Variants in RBPMS2 observed in about 807,000 individuals in gnomAD.
The protein encoded by RBPMS2 is RNA binding protein, mRNA processing factor 2, also known as RNA-binding protein with multiple splicing 2.
In RBPMS2, 14 loss-of-function variants were observed where a neutral mutation model predicts 25.7. The observed-to-expected ratio is 0.55, with a 90% confidence interval of 0.36 to 0.85. The LOEUF is 0.85. Among genes scored for constraint, RBPMS2 ranks in the 40% least tolerant of loss-of-function variants. The probability of loss-of-function intolerance (pLI) is 0.01; values close to 1 mark genes in which losing one functional copy is unlikely to be tolerated. For missense variants in RBPMS2, 252 were observed against 283.4 expected (o/e 0.89, Z 0.80); for synonymous variants, 127 against 115.6 (o/e 1.10, Z -0.63).
At position 64,775,257 on chromosome 15, in the gene RBPMS2, G is replaced by T. The variant is rs752279326; in HGVS notation, c.63C>A (p.Gly21=). The change falls in exon 1 of 8, where the codon GGC becomes GGA. Residue 21 remains glycine (G), a synonymous_variant. Coordinates refer to ENST00000300069, the MANE Select transcript of RBPMS2 (RefSeq NM_194272.3). ...GGSTGTGSGA[G]SGGALEEEVR... ...CCTCCTCCTCCAGGGCGCCGCCGGA[G>T]CCCGCGCCGGAGCCGGTGCCGGTGC... 1 of 1,333,860 alleles carries T rather than the reference G, an allele frequency of 7.5e-7. No homozygotes were observed. Among genetic ancestry groups the T allele is most frequent in the Non-Finnish European group, 9.6e-7 (1 of 1,036,744 alleles). 82.6% of individuals were successfully genotyped at this position (1,333,860 alleles called of 1,614,324 possible).
chr15:64,750,427 T>A, intron 2 of RBPMS2, 46 bp from the exon 3 acceptor site: 5 of 1,559,062 alleles, frequency 3.2e-6, no homozygotes, highest in Non-Finnish European at 4.4e-6. Flanking sequence ...GAAGCGTATG[T>A]TGTGCTAGCC....
At chr15:64,753,460 A>G (rs990702029) in intron 1 of RBPMS2, among the ~76,000 whole-genome samples, 3 of 152,132 alleles carry the variant, frequency 2.0e-5, no homozygotes, top group East Asian at 1.9e-4. Flanking sequence ...ACTACACCCA[A>G]TGCACCCAGA....
chr15:64,754,696 T>A (rs1286495317), intron 1 of RBPMS2, among the ~76,000 whole-genome samples: 6 of 141,806 alleles, frequency 4.2e-5, no homozygotes, highest in Non-Finnish European at 3.1e-5. Flanking sequence ...AGAGCAAAAC[T>A]CCGTCTCAAA....
In RBPMS2 at chr15:64,775,529, G is replaced by T. The variant is rs898289756; in HGVS notation, c.-210C>A. ...GGAAGGTGGGGAGGGGGTGCGGCGG[G>T]GGAGGCAGTGGGAGCCGGAGGGGCC... On this transcript the variant is annotated 5_prime_UTR_variant, in exon 1 of 8. Transcript: ENST00000300069. 2 of 290,614 alleles carry T rather than the reference G, an allele frequency of 6.9e-6. No homozygotes were observed. The highest frequency in any genetic ancestry group is 1.6e-4 in the South Asian group (1 of 6,172). The allele number at this position is 290,614 out of a possible 1,614,324, so 18.0% of individuals were successfully genotyped here.
chr15:64,754,668 A>G (rs1595789118), intron 1 of RBPMS2, among the ~76,000 whole-genome samples: 1 of 150,642 alleles, frequency 6.6e-6, no homozygotes, highest in Non-Finnish European at 1.5e-5. Context: ...GGCCCACTGC[A>G]CTCCAGCCTG....
chr15:64,766,902 GCCT>G (rs2083851236), intron 1 of RBPMS2, among the ~76,000 whole-genome samples: 1 of 151,798 alleles, frequency 6.6e-6, no homozygotes, highest in Non-Finnish European at 1.5e-5. Flanking sequence ...TCCTGCCTCG[GCCT>G]CCTGAGTAGC....
At chr15:64,752,673 C>A (rs2083694166) in intron 1 of RBPMS2, among the ~76,000 whole-genome samples, 1 of 151,336 alleles carries the variant, frequency 6.6e-6, no homozygotes, top group Non-Finnish European at 1.5e-5. Context: ...TGCAGTGGCG[C>A]CATCTCGGCT....
intron 6 of RBPMS2, among the ~76,000 whole-genome samples, chr15:64,741,565 C>T (rs2083562620): frequency 6.6e-6 from 1 of 152,216 alleles, no homozygotes; most frequent in African/African-American, 2.4e-5. Flanking sequence ...GCCAGCAACC[C>T]GCCCTTCCCC....
At chr15:64,761,964 C>T (rs1366986222) in intron 1 of RBPMS2, among the ~76,000 whole-genome samples, 1 of 152,026 alleles carries the variant, frequency 6.6e-6, no homozygotes, top group Non-Finnish European at 1.5e-5. Flanking sequence ...TCCGCCTCAG[C>T]ATCCCAAAGT....
At chr15:64,742,429 G>A (rs191725813) in intron 6 of RBPMS2, among the ~76,000 whole-genome samples, 1 of 152,350 alleles carries the variant, frequency 6.6e-6, no homozygotes, top group Admixed American at 6.5e-5. Context: ...CCTGGCACTT[G>A]CCAGAAGGCC....
intron 1 of RBPMS2, among the ~76,000 whole-genome samples, chr15:64,774,718 C>T (rs1285171933): frequency 7.7e-5 from 11 of 143,172 alleles, no homozygotes; most frequent in African/African-American, 1.9e-4. Context: ...GACAACAGCT[C>T]GCAGGAACCG....
At chr15:64,746,636 G>C (rs144699130) in intron 6 of RBPMS2, among the ~76,000 whole-genome samples, 1 of 152,222 alleles carries the variant, frequency 6.6e-6, no homozygotes. Context: ...GCCCTGTGGC[G>C]TGGAGCTCAG....
In RBPMS2 at chr15:64,775,432, C is replaced by CG; in HGVS notation, c.-114dup. ...GCGCTCGCGGGTGCGGAGCGGGTGG[C>CG]GGGGGACCCACGGGGCAGTGAGAGG... is the stretch of plus-strand genomic sequence containing the variant. On this transcript the variant is annotated 5_prime_UTR_variant, in exon 1 of 8. Transcript: ENST00000300069. 4.4e-6 allele frequency: 1 copy of CG among 227,798 alleles called. No homozygotes were observed. Among genetic ancestry groups the CG allele is most frequent in the Admixed American group, 7.5e-5 (1 of 13,342 alleles). The allele number at this position is 227,798 out of a possible 1,614,324, so 14.1% of individuals were successfully genotyped here. A position where few individuals can be genotyped will look rare whatever the true frequency, so the allele number is the denominator to read the frequency against.
intron 1 of RBPMS2, among the ~76,000 whole-genome samples, chr15:64,752,793 G>A (rs1408428442): frequency 6.6e-6 from 1 of 152,092 alleles, no homozygotes; most frequent in Non-Finnish European, 1.5e-5. Context: ...TGCATTTTTA[G>A]TAGAGATGGG....
chr15:64,749,248 G>A lies in RBPMS2; in HGVS notation c.268-98C>T, dbSNP rs1012739882. The A allele has an allele frequency of 1.1e-5, 16 of 1,463,856 alleles. No homozygotes were observed. In the African/African-American group the frequency reaches 1.3e-4, roughly 11 times the overall value. 90.7% of individuals were successfully genotyped at this position (1,463,856 alleles called of 1,614,324 possible). On this transcript the variant is annotated intron_variant, in intron 4 of 7. Transcript: ENST00000300069. ...AGGGCGCCATAAACAAGCTCGCCTCGAAGACCTGCCCACACGGTGGCTGAG... is the reference window on the plus strand; with the variant it reads ...AGGGCGCCATAAACAAGCTCGCCTCAAAGACCTGCCCACACGGTGGCTGAG...
chr15:64,770,133 C>A (rs1298517216), intron 1 of RBPMS2, among the ~76,000 whole-genome samples: 1 of 151,952 alleles, frequency 6.6e-6, no homozygotes, highest in Non-Finnish European at 1.5e-5. Flanking sequence ...GAGCCAAGAT[C>A]ATACCACTGC....
chr15:64,764,444 G>A (rs1004970854), intron 1 of RBPMS2, among the ~76,000 whole-genome samples: 7 of 152,272 alleles, frequency 4.6e-5, no homozygotes, highest in East Asian at 1.9e-4. Flanking sequence ...TGACGGAGGC[G>A]AATGAAACCT....
rs1179959275 is a variant in RBPMS2, at chr15:64,775,488, C to T, written c.-169G>A. 8.1e-5 allele frequency: 16 copies of T among 196,962 alleles called. No individual in the cohort carries two copies. The highest frequency in any genetic ancestry group is 1.5e-4 in the Non-Finnish European group (15 of 102,440). 12.2% of individuals were successfully genotyped at this position (196,962 alleles called of 1,614,324 possible). A position where few individuals can be genotyped will look rare whatever the true frequency, so the allele number is the denominator to read the frequency against. ...CCTCCGCGTCGGGCCAGGGTCACAT[C>T]AAGTTTGGCGGGTGCGGAAGGTGGG... On this transcript the variant is annotated 5_prime_UTR_variant, in exon 1 of 8. Coordinates refer to ENST00000300069, the MANE Select transcript of RBPMS2 (RefSeq NM_194272.3).
At chr15:64,751,956 G>A (rs1029770986) in intron 1 of RBPMS2, among the ~76,000 whole-genome samples, 6 of 150,368 alleles carry the variant, frequency 4.0e-5, no homozygotes, top group African/African-American at 1.5e-4. Flanking sequence ...AGCCCAGCAT[G>A]CCTTTTTTTT....
Sources: allele counts gnomAD v4.1 joint callset (sites outside exome capture counted in the v4.1 genomes callset), GRCh38; gene constraint gnomAD v4.1.1; transcripts MANE v1.5; gene names NCBI Gene and HGNC (gene_info 2026-07-23, HGNC 2026-07-21).